SRGAP3: variants seen among roughly 807,000 people sequenced by gnomAD.
SRGAP3 encodes SLIT-ROBO Rho GTPase activating protein 3.
In SRGAP3, 39 loss-of-function variants were observed where a neutral mutation model predicts 121.1. That is an observed-to-expected ratio of 0.32 (90% confidence interval 0.25 to 0.42). SRGAP3 has a LOEUF of 0.42. Among genes scored for constraint, SRGAP3 ranks in the 10% least tolerant of loss-of-function variants. SRGAP3 has a pLI of 1.00. For missense variants in SRGAP3, 1,213 were observed against 1,470.6 expected (o/e 0.82, Z 2.86); for synonymous variants, 601 against 570.0 (o/e 1.05, Z -0.77).
intron 1 of SRGAP3, among the ~76,000 whole-genome samples, chr3:9,145,421 G>C (rs1949991326): frequency 6.6e-6 from 1 of 152,106 alleles, no homozygotes; most frequent in African/African-American, 2.4e-5. Context: ...CTTTCTCTCT[G>C]TTTTATGTAA....
At chr3:9,186,276 G>A (rs961927108) in intron 1 of SRGAP3, among the ~76,000 whole-genome samples, 11 of 152,142 alleles carry the variant, frequency 7.2e-5, no homozygotes, top group African/African-American at 2.7e-4. Flanking sequence ...CTCCCAAAGA[G>A]AATCTGACGT....
chr3:9,176,083 G>A (rs1446579793), intron 1 of SRGAP3, among the ~76,000 whole-genome samples: 5 of 152,032 alleles, frequency 3.3e-5, no homozygotes, highest in African/African-American at 9.7e-5. Flanking sequence ...CACCATGCCC[G>A]GCTAATTTTT....
chr3:9,057,128 C>A (rs937789146), intron 7 of SRGAP3, among the ~76,000 whole-genome samples: 3 of 152,126 alleles, frequency 2.0e-5, no homozygotes, highest in Non-Finnish European at 4.4e-5. Flanking sequence ...AGGGTTTCAC[C>A]ATGTTGGCCA....
chr3:9,248,818 A>G, intron 1 of SRGAP3, 67 bp downstream of exon 1: 1 of 1,507,190 alleles, frequency 6.6e-7, no homozygotes, highest in Non-Finnish European at 9.2e-7. Context: ...GCAGCGGGGG[A>G]TGGGAACCAG....
intron 3 of SRGAP3, among the ~76,000 whole-genome samples, chr3:9,088,433 C>G (rs2124836835): frequency 6.6e-6 from 1 of 152,306 alleles, no homozygotes; most frequent in South Asian, 2.1e-4. Flanking sequence ...CTGCCTGGTT[C>G]CTTTGCCTCT....
intron 13 of SRGAP3, among the ~76,000 whole-genome samples, chr3:9,026,230 T>C (rs924229924): frequency 2.4e-4 from 36 of 152,244 alleles, no homozygotes; most frequent in African/African-American, 8.2e-4. Context: ...CCTCCTCTCC[T>C]TTCCAGCCAT....
intron 18 of SRGAP3, among the ~76,000 whole-genome samples, chr3:9,001,896 A>G (rs909654028): frequency 2.0e-5 from 3 of 152,224 alleles, no homozygotes; most frequent in Non-Finnish European, 4.4e-5. Context: ...CTAATAAAAG[A>G]GCAGCAAAAT....
At chr3:9,263,688 T>C (rs890967310) in intron 3 of SRGAP3, among the ~76,000 whole-genome samples, 2 of 152,182 alleles carry the variant, frequency 1.3e-5, no homozygotes, top group Admixed American at 1.3e-4. Context: ...CTTGAATCCC[T>C]GAAGAGACCA....
intron 3 of SRGAP3, among the ~76,000 whole-genome samples, chr3:9,258,673 G>A (rs1954186060): frequency 6.6e-6 from 1 of 152,176 alleles, no homozygotes; most frequent in African/African-American, 2.4e-5. Context: ...TCTTATCAGT[G>A]GCACCACATA....
In SRGAP3 at chr3:9,109,549, TG is replaced by T. The variant is rs1350121382; in HGVS notation, c.261-4708del. On this transcript the variant is annotated intron_variant, in intron 2 of 21. Coordinates refer to ENST00000383836, the MANE Select transcript of SRGAP3 (RefSeq NM_014850.4). The surrounding 1 kb of genome is among the most constrained non-coding windows in gnomAD (Gnocchi z 4.4). ...ACTCCTTGCGTTTGTGTGTCTGTGC[TG>T]GGCAGGACTAGGTGCTGCGAGTGCA... Among the ~76,000 whole-genome samples the T allele has an allele frequency of 1.3e-5, 2 of 152,226 alleles. No individual in the cohort carries two copies. Among genetic ancestry groups the T allele is most frequent in the East Asian group, 3.9e-4 (2 of 5,190 alleles).
rs549585182 is a variant in SRGAP3, at chr3:9,268,178, C to G, written n.442+57832G>C. On this transcript the variant is annotated intron_variant and non_coding_transcript_variant, in intron 3 of 3. Transcript: ENST00000490889. ...GATTCACATGTTGAAGCCATAACCC[C>G]CAATGTGATGGTATTTGGAGATAGG... 1.6e-3 allele frequency among the ~76,000 whole-genome samples: 244 copies of G among 152,198 alleles called. 1 individual carries two copies. The highest frequency in any genetic ancestry group is 2.7e-3 in the Non-Finnish European group (187 of 68,020).
intron 1 of SRGAP3, among the ~76,000 whole-genome samples, chr3:9,183,123 A>T (rs1455577546): frequency 6.6e-6 from 1 of 152,222 alleles, no homozygotes; most frequent in Non-Finnish European, 1.5e-5. Context: ...GGAAAGAGCC[A>T]TCAACTGGGA....
chr3:9,256,894 C>T, intron 3 of SRGAP3: 1 of 398,590 alleles, frequency 2.5e-6, no homozygotes, highest in Non-Finnish European at 4.4e-6. Flanking sequence ...TTAAAGCTTA[C>T]ACTTTAAGAA....
chr3:9,286,986 CTTTTTTTTT>C (rs36096507), intron 3 of SRGAP3, among the ~76,000 whole-genome samples: 8 of 79,094 alleles, frequency 1.0e-4, no homozygotes, highest in African/African-American at 3.7e-4. Context: ...CACTGACACT[CTTTTTTTTT>C]TTTTTTTTTT....
intron 17 of SRGAP3, among the ~76,000 whole-genome samples, chr3:9,011,386 G>T (rs772590948): frequency 2.0e-4 from 30 of 152,164 alleles, no homozygotes; most frequent in Non-Finnish European, 1.6e-4. Context: ...CCTGAATCAG[G>T]ACCAAACTCA....
intron 20 of SRGAP3, among the ~76,000 whole-genome samples, chr3:8,992,001 G>A (rs1391737276): frequency 2.0e-5 from 3 of 152,296 alleles, no homozygotes; most frequent in East Asian, 1.9e-4. Context: ...GTCTACCTAC[G>A]CCAGCCTTCC....
intron 1 of SRGAP3, among the ~76,000 whole-genome samples, chr3:9,357,288 A>T (rs1041794461): frequency 4.6e-5 from 7 of 152,134 alleles, no homozygotes; most frequent in Non-Finnish European, 1.0e-4. Flanking sequence ...GGATCTCACT[A>T]TGCTTTCTGT....
rs199872632 is a variant in SRGAP3 at position 9,131,788 on chromosome 3, CT to C, written c.68-6872del. Among the ~76,000 whole-genome samples, 1,386 of 152,216 alleles carry C rather than the reference CT, an allele frequency of 9.1e-3. 37 individuals are homozygous for C. Among genetic ancestry groups the C allele is most frequent in the Admixed American group, 0.064 (980 of 15,272 alleles). On this transcript the variant is annotated intron_variant, in intron 1 of 21. Transcript: ENST00000383836. ...CAGGTCTCCTAAAGCACCAATCTCCCTGTGTCACCCTCCTGATAAAATTCTC... is the reference window on the plus strand; with the variant it reads ...CAGGTCTCCTAAAGCACCAATCTCCCGTGTCACCCTCCTGATAAAATTCTC...
chr3:9,044,425 GC>G (rs753906469), intron 10 of SRGAP3, among the ~76,000 whole-genome samples: 2 of 152,210 alleles, frequency 1.3e-5, no homozygotes, highest in East Asian at 3.8e-4. Context: ...AGCCGCGATG[GC>G]GTAAGATTTT....
Sources: allele counts gnomAD v4.1 joint callset (sites outside exome capture counted in the v4.1 genomes callset), GRCh38; gene constraint gnomAD v4.1.1; non-coding constraint Gnocchi (gnomAD v3.1); transcripts MANE v1.5; gene names NCBI Gene and HGNC (gene_info 2026-07-23, HGNC 2026-07-21).